Variants in ATAD3B observed in about 807,000 individuals in gnomAD.
ATAD3B encodes the protein ATPase family AAA domain-containing protein 3B.
In ATAD3B, 59 loss-of-function variants were observed where a neutral mutation model predicts 70.2. That is an observed-to-expected ratio of 0.84 (90% confidence interval 0.68 to 1.04). The LOEUF (loss-of-function observed/expected upper bound fraction) is 1.04, where lower values mean the gene tolerates loss of function less well. Ranked by LOEUF, ATAD3B falls within the 50% of genes least tolerant of loss-of-function variation. The pLI is 0.00. For missense variants in ATAD3B, 961 were observed against 913.4 expected, an observed-to-expected ratio of 1.05 and a Z score of -0.67; for synonymous variants, 423 against 388.6, an observed-to-expected ratio of 1.09 and a Z score of -1.04.
the ATAD3B span, among the ~76,000 whole-genome samples, chr1:1,503,004 C>A: frequency 6.6e-6 from 1 of 150,998 alleles, no homozygotes; most frequent in Non-Finnish European, 1.5e-5. Flanking sequence ...GCAGGTGAAT[C>A]ACGAGGTCAG....
In ATAD3B at chr1:1,491,923, C is replaced by G. The variant is rs1326189502; in HGVS notation, c.1614+1252C>G. 6.6e-5 allele frequency among the ~76,000 whole-genome samples: 10 copies of G among 151,826 alleles called. 1 individual carries two copies. The highest frequency in any genetic ancestry group is 1.0e-4 in the Non-Finnish European group (7 of 67,922). ...GGAGGCTGGGTATGGTGGTGGCTGA[C>G]GCTTGTATTCCCAGCATTTGGGGAG... On this transcript the variant is annotated intron_variant, in intron 15 of 15. Coordinates refer to ENST00000673477, the MANE Select transcript of ATAD3B (RefSeq NM_031921.6).
At chr1:1,472,753 C>T (rs1175577342) in intron 1 of ATAD3B, among the ~76,000 whole-genome samples, 9 of 152,030 alleles carry the variant, frequency 5.9e-5, no homozygotes, top group African/African-American at 2.2e-4. Context: ...GTTCAAATGG[C>T]TAGGAGTCTG....
At chr1:1,509,388 C>T in the ATAD3B span, 123 of 1,601,832 alleles carry the variant, frequency 7.7e-5, no homozygotes, top group Middle Eastern at 1.7e-4. Flanking sequence ...AGCCTGGCCG[C>T]GGACCCCTCC....
At position 1,490,179 on chromosome 1, in the gene ATAD3B, G is replaced by T. The variant is rs113754847; in HGVS notation, c.1338-78G>T. 1,062 of 1,564,106 alleles carry T rather than the reference G, an allele frequency of 6.8e-4. 8 individuals carry two copies. In the African/African-American group the frequency reaches 0.013, roughly 19 times the overall value. ...ATTCTCCCAAAAAGTCTCCCCGAGG[G>T]GGCTGAGGAGCCCCCGTTGCCCTCG... On this transcript the variant is annotated intron_variant, in intron 13 of 15. Coordinates refer to ENST00000673477, the MANE Select transcript of ATAD3B (RefSeq NM_031921.6).
intron 5 of ATAD3B, among the ~76,000 whole-genome samples, chr1:1,481,197 G>C (rs1436511713): frequency 9.2e-6 from 1 of 108,710 alleles, no homozygotes. Flanking sequence ...TTTTGAGACG[G>C]AGTCTCGCTC....
At chr1:1,487,427 G>A (rs983102288) in intron 11 of ATAD3B, among the ~76,000 whole-genome samples, 1 of 151,184 alleles carries the variant, frequency 6.6e-6, no homozygotes, top group African/African-American at 2.4e-5. Context: ...GGCAGAGCCT[G>A]CAGTGAGCCG....
At position 1,497,411 on chromosome 1, in the gene ATAD3B, T is replaced by TGTAGAGACC. The variant is rs1640827283; in HGVS notation, c.*1596_*1604dup. On this transcript the variant is annotated 3_prime_UTR_variant, in exon 16 of 16. Coordinates refer to ENST00000673477, the MANE Select transcript of ATAD3B (RefSeq NM_031921.6). ...ACGCCCGCTAATGCTAAAAATTTGT[T>TGTAGAGACC]GTAGAGACCGAGTCTTGCTATAATG... 1 of 149,122 alleles carries TGTAGAGACC rather than the reference T, an allele frequency of 6.7e-6. No individual in the cohort carries two copies. Among genetic ancestry groups the TGTAGAGACC allele is most frequent in the Non-Finnish European group, 1.5e-5 (1 of 67,496 alleles). 9.2% of individuals were successfully genotyped at this position (149,122 alleles called of 1,614,324 possible). A position where few individuals can be genotyped will look rare whatever the true frequency, so the allele number is the denominator to read the frequency against.
intron 11 of ATAD3B, 121 bp from the exon 12 acceptor site, chr1:1,487,742 T>G: frequency 8.0e-7 from 1 of 1,251,056 alleles, no homozygotes; most frequent in Non-Finnish European, 1.2e-6. Flanking sequence ...GGGCTCCTGA[T>G]GGGGCAGAGC....
downstream of ATAD3B, among the ~76,000 whole-genome samples, chr1:1,499,453 T>C (rs1640894482): frequency 6.6e-6 from 1 of 150,716 alleles, no homozygotes; most frequent in African/African-American, 2.5e-5. Flanking sequence ...GCCAGGATGG[T>C]CTTAAACTCC....
the ATAD3B span, among the ~76,000 whole-genome samples, chr1:1,508,321 C>T: frequency 6.6e-6 from 1 of 151,340 alleles, no homozygotes; most frequent in African/African-American, 2.5e-5. Flanking sequence ...AGGGGACGGG[C>T]ACCACGTGGT....
In ATAD3B at chr1:1,485,073, G is replaced by C. The variant is rs150679247; in HGVS notation, c.808G>C (p.Val270Leu). The change falls in exon 8 of 16, where the codon GTC becomes CTC. Residue 270 changes from valine (V) to leucine (L), a missense_variant. Val to Leu is a conservative substitution (Grantham distance 32, BLOSUM62 1). Coordinates refer to ENST00000673477, the MANE Select transcript of ATAD3B (RefSeq NM_031921.6). ...GVYSAKNATA[V>L]TGRFIEARLG... ...CTACTCAGCCAAGAATGCGACAGCC[G>C]TCACTGGCCGCTTCATCGAGGCTCG... 4.0e-4 allele frequency: 647 copies of C among 1,608,488 alleles called. 6 individuals are homozygous for C. Among genetic ancestry groups the C allele is most frequent in the Non-Finnish European group, 5.2e-4 (615 of 1,178,540 alleles).
intron 1 of ATAD3B, among the ~76,000 whole-genome samples, chr1:1,476,571 C>A (rs921535065): frequency 6.6e-6 from 1 of 151,452 alleles, no homozygotes; most frequent in Non-Finnish European, 1.5e-5. Context: ...TGCATTGCTT[C>A]GATCTCTGCT....
downstream of ATAD3B, among the ~76,000 whole-genome samples, chr1:1,498,984 CTTTTT>C (rs1640880105): frequency 9.7e-6 from 1 of 103,560 alleles, no homozygotes; most frequent in African/African-American, 3.6e-5. Flanking sequence ...TTTTTTTTTT[CTTTTT>C]GAGACAGAGT....
At chr1:1,506,562 G>C in the ATAD3B span, among the ~76,000 whole-genome samples, 12 of 151,990 alleles carry the variant, frequency 7.9e-5, no homozygotes, top group South Asian at 2.1e-4. Flanking sequence ...CGCCCGGCCA[G>C]TTTTCATTGT....
At chr1:1,499,161 C>T (rs1048353559), downstream of ATAD3B, among the ~76,000 whole-genome samples, 5 of 150,496 alleles carry the variant, frequency 3.3e-5, no homozygotes, top group East Asian at 2.0e-4. Context: ...TTAGTAGAGA[C>T]AGGGTTTCAC....
chr1:1,478,243 C>G (rs1049328022), intron 2 of ATAD3B: 2 of 547,482 alleles, frequency 3.7e-6, no homozygotes, highest in Non-Finnish European at 6.2e-6. Flanking sequence ...GTGATCCAGC[C>G]ACTTTGGCCT....
In ATAD3B at chr1:1,494,755, A is replaced by G. The variant is rs1008903074; in HGVS notation, c.1615-730A>G. 5.0e-4 allele frequency among the ~76,000 whole-genome samples: 75 copies of G among 149,844 alleles called. No individual in the cohort carries two copies. In the Middle Eastern group the frequency reaches 0.024, roughly 48 times the overall value. ...GGGCGAGGGACCCACTCAGCTGTCC[A>G]GGAAGGGTCCCCTGCCCTGTGCTTC... On this transcript the variant is annotated intron_variant, in intron 15 of 15. Coordinates refer to ENST00000673477, the MANE Select transcript of ATAD3B (RefSeq NM_031921.6).
At chr1:1,487,542 G>T (rs1412045106) in intron 11 of ATAD3B, among the ~76,000 whole-genome samples, 1 of 151,968 alleles carries the variant, frequency 6.6e-6, no homozygotes, top group South Asian at 2.1e-4. Context: ...ACTGCACTGG[G>T]TCGCTGTGTG....
rs1032501198 is a variant in ATAD3B at position 1,479,560 on chromosome 1, C to T, written c.444+452C>T. Reference sequence around the variant, plus strand: ...CAACACGGGCACGCACACACACACCCCGCCACAACACAGGCACACATACCC... The same window carrying T: ...CAACACGGGCACGCACACACACACCTCGCCACAACACAGGCACACATACCC... On this transcript the variant is annotated intron_variant, in intron 4 of 15. Transcript: ENST00000673477. Among the ~76,000 whole-genome samples, 5 of 145,696 alleles carry T rather than the reference C, an allele frequency of 3.4e-5. 1 individual carries two copies. The highest frequency in any genetic ancestry group is 7.5e-5 in the Non-Finnish European group (5 of 66,484).
Sources: gnomAD v4.1 joint callset for allele counts (sites outside exome capture counted in the v4.1 genomes callset) on GRCh38, gnomAD v4.1.1 for gene constraint, MANE v1.5 for transcripts, NCBI Gene and HGNC (gene_info 2026-07-23, HGNC 2026-07-21) for gene names.